The following SP100 variants were observed in gnomAD, a reference collection of about 807,000 sequenced individuals.
SP100 encodes SP100 nuclear body protein.
A neutral mutation model predicts 130.0 loss-of-function variants in SP100; 84 were observed. The ratio of observed to expected loss-of-function variants is 0.65; its 90% CI spans 0.54 to 0.77. The LOEUF is 0.77. Ranked by LOEUF, SP100 falls within the 30% of genes least tolerant of loss-of-function variation. SP100 has a pLI of 0.00. For missense variants in SP100, 978 were observed against 1,052.2 expected, an observed-to-expected ratio of 0.93 and a Z score of 0.97; for synonymous variants, 331 against 351.7, an observed-to-expected ratio of 0.94 and a Z score of 0.66.
chr2:230,525,510 C>T (rs182097161), intron 24 of SP100, among the ~76,000 whole-genome samples: 38 of 152,208 alleles, frequency 2.5e-4, no homozygotes, highest in Middle Eastern at 3.4e-3. Context: ...AGAAGACAGG[C>T]GATTCCTGCA....
chr2:230,493,150 T>G (rs1575735494), intron 17 of SP100, among the ~76,000 whole-genome samples: 1 of 152,218 alleles, frequency 6.6e-6, no homozygotes, highest in East Asian at 1.9e-4. Context: ...TTTATTCTAT[T>G]ATTTTGATTT....
chr2:230,421,974 G>GT (rs2062780772), intron 2 of SP100, among the ~76,000 whole-genome samples: 1 of 151,950 alleles, frequency 6.6e-6, no homozygotes, highest in South Asian at 2.1e-4. Context: ...TGGAATTCCT[G>GT]TTAGTTGGAT....
chr2:230,446,904 TA>T lies in SP100; in HGVS notation c.523+7del. ...GCCTCCAACTAAGTCTTGAACAAGGTAAAAATGACAGAATAAAAGCTTTTTT... is the reference window on the plus strand; with the variant it reads ...GCCTCCAACTAAGTCTTGAACAAGGTAAAATGACAGAATAAAAGCTTTTTT... On this transcript the variant is annotated splice_donor_region_variant and intron_variant, in intron 5 of 28. Transcript: ENST00000340126. 6.3e-7 allele frequency: 1 copy of T among 1,587,890 alleles called. No individual in the cohort carries two copies. Among genetic ancestry groups the T allele is most frequent in the Non-Finnish European group, 8.6e-7 (1 of 1,158,518 alleles).
intron 24 of SP100, chr2:230,516,080 A>C (rs557934397): frequency 1.0e-6 from 1 of 989,476 alleles, no homozygotes; most frequent in African/African-American, 1.7e-5. Context: ...AAGTAAATAC[A>C]ATTTTTAAAA....
chr2:230,467,547 A>T (rs906069829), intron 13 of SP100, among the ~76,000 whole-genome samples: 2 of 152,204 alleles, frequency 1.3e-5, no homozygotes, highest in African/African-American at 4.8e-5. Flanking sequence ...CCTCACAATC[A>T]TGGCAGAAGG....
chr2:230,427,155 GTCTC>G (rs33922247), intron 2 of SP100, among the ~76,000 whole-genome samples: 6 of 151,592 alleles, frequency 4.0e-5, no homozygotes, highest in Non-Finnish European at 8.8e-5. Context: ...GCTAAAAGGA[GTCTC>G]TCTCTCTCTT....
intron 17 of SP100, among the ~76,000 whole-genome samples, chr2:230,483,742 A>G (rs1341126731): frequency 3.3e-5 from 5 of 152,310 alleles, no homozygotes; most frequent in Admixed American, 2.6e-4. Flanking sequence ...GTATGTATTC[A>G]TATACACATA....
At chr2:230,531,338 A>G (rs1691690986) in intron 24 of SP100, among the ~76,000 whole-genome samples, 1 of 149,894 alleles carries the variant, frequency 6.7e-6, no homozygotes, top group South Asian at 2.1e-4. Flanking sequence ...CAAACACCGC[A>G]TGTTCTCACT....
At position 230,510,968 on chromosome 2, in the gene SP100, T is replaced by A. The variant is rs79766041; in HGVS notation, c.2053-157T>A. On this transcript the variant is annotated intron_variant, in intron 23 of 28. Coordinates refer to ENST00000340126, the MANE Select transcript of SP100 (RefSeq NM_001080391.2). ...CACTGACACATAATTTAGTGCTTTT[T>A]TATTCTTCAGTTAGATGTACAGGTC... 5,948 of 668,590 alleles carry A rather than the reference T, an allele frequency of 8.9e-3. 264 individuals carry two copies. The African/African-American group carries it at 0.097, about 11-fold the overall frequency. 41.4% of individuals were successfully genotyped at this position (668,590 alleles called of 1,614,324 possible).
In SP100 at chr2:230,506,225, C is replaced by T. The variant is rs958477913; in HGVS notation, c.1871-78C>T. 5.4e-5 allele frequency: 83 copies of T among 1,534,294 alleles called. 1 individual carries two copies. Among genetic ancestry groups the T allele is most frequent in the Non-Finnish European group, 6.8e-5 (76 of 1,117,190 alleles). On this transcript the variant is annotated intron_variant, in intron 21 of 28. Coordinates refer to ENST00000340126, the MANE Select transcript of SP100 (RefSeq NM_001080391.2). ...ACGATCCTAAGCCCAAAGTGGGTGGCCCCAGACCCCAGCATGGGGGGAGGC... is the reference window on the plus strand; with the variant it reads ...ACGATCCTAAGCCCAAAGTGGGTGGTCCCAGACCCCAGCATGGGGGGAGGC...
rs778317020 is a variant in SP100, at chr2:230,508,006, C to T, written c.2027C>T (p.Pro676Leu). The T allele has an allele frequency of 4.3e-6, 7 of 1,613,060 alleles. No individual in the cohort carries two copies. The South Asian group carries it at 7.7e-5, about 18-fold the overall frequency. The change falls in exon 23 of 29, where the codon CCA becomes CTA. Residue 676 changes from proline (P) to leucine (L), a missense_variant. By Grantham distance (98) the Pro-to-Leu change is moderately conservative. Coordinates refer to ENST00000340126, the MANE Select transcript of SP100 (RefSeq NM_001080391.2). ...LKVLMENKFLPEPPSTRKKRI... is the reference protein window; with the variant it reads ...LKVLMENKFLLEPPSTRKKRI... ...TTTCTTTTTTAGAACAAATTTCTGCCAGAACCACCAAGCACAAGAAAAAAG... is the reference window on the plus strand; with the variant it reads ...TTTCTTTTTTAGAACAAATTTCTGCTAGAACCACCAAGCACAAGAAAAAAG...
intron 26 of SP100, 69 bp downstream of exon 26, chr2:230,541,065 A>G (rs1692153762): frequency 9.0e-6 from 14 of 1,551,236 alleles, no homozygotes; most frequent in Non-Finnish European, 1.1e-5. Flanking sequence ...ACAGTCTTAC[A>G]AAGTGCTCAA....
intron 18 of SP100, among the ~76,000 whole-genome samples, chr2:230,497,385 A>G (rs944965530): frequency 3.3e-5 from 5 of 150,640 alleles, no homozygotes; most frequent in Non-Finnish European, 5.9e-5. Context: ...GAAAGAAAGG[A>G]AAGAAAAATG....
chr2:230,452,954 T>C (rs1470352678), intron 8 of SP100, among the ~76,000 whole-genome samples: 3 of 152,132 alleles, frequency 2.0e-5, no homozygotes, highest in Non-Finnish European at 4.4e-5. Flanking sequence ...GCCTAATTGT[T>C]CTGGCTAGGA....
At chr2:230,423,353 T>C (rs2062826531) in intron 2 of SP100, among the ~76,000 whole-genome samples, 1 of 152,162 alleles carries the variant, frequency 6.6e-6, no homozygotes, top group Non-Finnish European at 1.5e-5. Context: ...GTGTCCTTTT[T>C]CCTATTCCTA....
intron 2 of SP100, among the ~76,000 whole-genome samples, chr2:230,439,796 C>A (rs755975561): frequency 1.3e-5 from 2 of 151,942 alleles, no homozygotes; most frequent in African/African-American, 2.4e-5. Flanking sequence ...TCCTCTTTAC[C>A]GATTAGGATG....
chr2:230,457,751 C>T (rs1185391518), intron 8 of SP100, among the ~76,000 whole-genome samples: 5 of 152,162 alleles, frequency 3.3e-5, no homozygotes, highest in East Asian at 3.9e-4. Flanking sequence ...AAGGTATTTT[C>T]ATGCATAGGT....
chr2:230,466,402 C>A, intron 12 of SP100, 48 bp downstream of exon 12: 1 of 971,566 alleles, frequency 1.0e-6, no homozygotes, highest in Non-Finnish European at 1.7e-6. Flanking sequence ...AACTTCTCTT[C>A]ATGGTTATAA....
At chr2:230,519,732 G>A (rs1691083999) in intron 24 of SP100, among the ~76,000 whole-genome samples, 1 of 152,128 alleles carries the variant, frequency 6.6e-6, no homozygotes, top group South Asian at 2.1e-4. Context: ...TTTCTTTTAG[G>A]AGCATCTCAC....
Sources: allele counts gnomAD v4.1 joint callset (sites outside exome capture counted in the v4.1 genomes callset), GRCh38; gene constraint gnomAD v4.1.1; transcripts MANE v1.5; gene names NCBI Gene and HGNC (gene_info 2026-07-23, HGNC 2026-07-21).